Variants in PKHD1L1 observed in about 807,000 individuals in gnomAD.
The protein encoded by PKHD1L1 is fibrocystin-L.
In PKHD1L1, 434 loss-of-function variants were observed where a neutral mutation model predicts 462.9. That is an observed-to-expected ratio of 0.94 (90% CI 0.87 to 1.02). The LOEUF (loss-of-function observed/expected upper bound fraction) is 1.02. PKHD1L1 is among the 50% of genes least tolerant of loss of function. The pLI is 0.00. For missense variants in PKHD1L1, 5,202 were observed against 5,096.1 expected (o/e 1.02, Z -0.63); for synonymous variants, 1,781 against 1,750.0 (o/e 1.02, Z -0.44).
chr8:109,374,558 G>T (rs200894539), intron 2 of PKHD1L1, among the ~76,000 whole-genome samples: 1 of 152,126 alleles, frequency 6.6e-6, no homozygotes, highest in African/African-American at 2.4e-5. Context: ...GTTAGCTGGT[G>T]ATTTTGCTGG....
chr8:109,450,992 G>C lies in PKHD1L1; in HGVS notation c.6193G>C (p.Ala2065Pro). The C allele has an allele frequency of 6.2e-7, 1 of 1,610,304 alleles. No homozygotes were observed. Among genetic ancestry groups the C allele is most frequent in the Non-Finnish European group, 8.5e-7 (1 of 1,177,182 alleles). ...PSNNGTGAEQ[A>P]CEVSVVNGKD... ...TTTCATAGGCACGGGAGCTGAGCAA[G>C]CCTGTGAAGTGAGTGTGGTTAATGG... is the stretch of plus-strand genomic sequence containing the variant. The change falls in exon 41 of 78, where the codon GCC (alanine) becomes CCC (proline). Residue 2065 changes from alanine (A) to proline (P), a missense_variant. Transcript: ENST00000378402.
At chr8:109,470,441 G>A in intron 50 of PKHD1L1, 19 of 1,599,496 alleles carry the variant, frequency 1.2e-5, no homozygotes, top group Admixed American at 1.7e-5. Context: ...AAATCAAAAT[G>A]TGAAAGGAAT....
At chr8:109,481,172 C>T (rs1818253763) in intron 55 of PKHD1L1, among the ~76,000 whole-genome samples, 1 of 151,802 alleles carries the variant, frequency 6.6e-6, no homozygotes, top group Non-Finnish European at 1.5e-5. Flanking sequence ...GTTCAAACAC[C>T]ACTAGTTTAG....
rs950833257 is a variant in PKHD1L1, at chr8:109,368,433, T to C, written c.163+3797T>C. Reference sequence around the variant, plus strand: ...AAAATGGACTATTAATTCCTACCTCTTGGGACTGTTGTGAATACTGAAAAG... The same window carrying C: ...AAAATGGACTATTAATTCCTACCTCCTGGGACTGTTGTGAATACTGAAAAG... On this transcript the variant is annotated intron_variant, in intron 2 of 77. Coordinates refer to ENST00000378402, the MANE Select transcript of PKHD1L1 (RefSeq NM_177531.6). 2.6e-5 allele frequency among the ~76,000 whole-genome samples: 4 copies of C among 152,224 alleles called. 1 individual carries two copies. The highest frequency in any genetic ancestry group is 4.4e-5 in the Non-Finnish European group (3 of 68,032).
intron 20 of PKHD1L1, 63 bp downstream of exon 20, chr8:109,412,477 G>T (rs1813909172): frequency 6.9e-7 from 1 of 1,444,098 alleles, no homozygotes; most frequent in Admixed American, 2.5e-5. Context: ...AAAATTTCAT[G>T]AAATTTTAAG....
chr8:109,436,341 G>T lies in PKHD1L1; in HGVS notation c.3509G>T (p.Gly1170Val). The T allele has an allele frequency of 6.2e-7, 1 of 1,610,710 alleles. No homozygotes were observed. The highest frequency in any genetic ancestry group is 8.5e-7 in the Non-Finnish European group (1 of 1,179,132). ...IWPDSGSIAG[G>V]TLLTLSGFGF... ...TTTGTTTGCTTTTCTTATGAAGGTG[G>T]TACTCTACTGACTTTATCTGGATTT... is the stretch of plus-strand genomic sequence containing the variant. The change falls in exon 30 of 78, where the codon GGT (glycine) becomes GTT (valine). Residue 1170 changes from glycine (G) to valine (V), a missense_variant. Gly to Val is a moderately radical substitution (Grantham distance 109, BLOSUM62 -3). Transcript: ENST00000378402.
chr8:109,448,076 A>T (rs1160803584), intron 38 of PKHD1L1, 67 bp from the exon 39 acceptor site: 1 of 1,349,076 alleles, frequency 7.4e-7, no homozygotes, highest in African/African-American at 1.5e-5. Context: ...GTAAAGAGGT[A>T]TATCTTTAAA....
Position 109,496,953 on chromosome 8 carries a change from T to G in PKHD1L1, c.10362T>G (p.Asn3454Lys). ...QFNPVEKWFD[N>K]EAHGGLYGIY... ...ATCCTGTGGAAAAGTGGTTTGACAA[T>G]GAAGCCCATGGAGGTTTATATGGGA... The change falls in exon 64 of 78, where the codon AAT (asparagine) becomes AAG (lysine). Residue 3454 changes from asparagine to lysine, a missense_variant. Physicochemically the swap from Asn to Lys is moderately conservative, Grantham distance 94. Around this residue, in one of 3 missense-constraint regions of PKHD1L1, gnomAD observed 4,497 missense variants for 4,336.8 expected, o/e 1.04. Coordinates refer to ENST00000378402, the MANE Select transcript of PKHD1L1 (RefSeq NM_177531.6). 1 of 1,613,546 alleles carries G rather than the reference T, an allele frequency of 6.2e-7. No homozygotes were observed. The highest frequency in any genetic ancestry group is 8.5e-7 in the Non-Finnish European group (1 of 1,179,592).
intron 76 of PKHD1L1, among the ~76,000 whole-genome samples, chr8:109,523,915 AT>A (rs1404026960): frequency 2.0e-5 from 3 of 152,152 alleles, no homozygotes; most frequent in Non-Finnish European, 4.4e-5. Flanking sequence ...GTCTCCTGTG[AT>A]TTTTCAGAAA....
chr8:109,426,948 C>A, intron 24 of PKHD1L1, 54 bp from the exon 25 acceptor site: 1 of 1,022,764 alleles, frequency 9.8e-7, no homozygotes, highest in Non-Finnish European at 1.5e-6. Context: ...CCACCACATC[C>A]GGCCCGTTTG....
chr8:109,367,158 T>C (rs1811274570), intron 2 of PKHD1L1, among the ~76,000 whole-genome samples: 1 of 152,214 alleles, frequency 6.6e-6, no homozygotes, highest in Non-Finnish European at 1.5e-5. Context: ...ATATACAGAA[T>C]GATATCTACA....
chr8:109,395,644 A>C (rs980661868), intron 10 of PKHD1L1, among the ~76,000 whole-genome samples: 2 of 152,208 alleles, frequency 1.3e-5, no homozygotes, highest in Non-Finnish European at 2.9e-5. Flanking sequence ...GTTACTCTAA[A>C]AGAAAATTAT....
Position 109,429,419 on chromosome 8 carries a change from A to G in PKHD1L1, c.3080A>G (p.His1027Arg), listed in dbSNP as rs753543810. 51 of 1,606,972 alleles carry G rather than the reference A, an allele frequency of 3.2e-5. No homozygotes were observed. Among genetic ancestry groups the G allele is most frequent in the Non-Finnish European group, 4.3e-5 (51 of 1,175,934 alleles). Reference protein sequence around the residue: ...RIKEGGLFRQHVLGDLLRTPS... With the variant: ...RIKEGGLFRQRVLGDLLRTPS... Reference sequence around the variant, plus strand: ...AAGGAAGGTGGCTTATTCAGACAACATGTACTTGGAGACCTACTTCGTACA... The same window carrying G: ...AAGGAAGGTGGCTTATTCAGACAACGTGTACTTGGAGACCTACTTCGTACA... The change falls in exon 26 of 78, where the codon CAT (histidine) becomes CGT (arginine). Residue 1027 changes from histidine to arginine, a missense_variant. This residue lies in a region of PKHD1L1 where 4,497 missense variants were observed against 4,336.8 expected (regional missense o/e 1.04). Coordinates refer to ENST00000378402, the MANE Select transcript of PKHD1L1 (RefSeq NM_177531.6).
intron 32 of PKHD1L1, 127 bp downstream of exon 32, chr8:109,439,219 T>G: frequency 1.2e-6 from 1 of 824,278 alleles, no homozygotes; most frequent in South Asian, 1.9e-5. Context: ...ATATCTTCTT[T>G]GGCAAAAGAT....
At chr8:109,382,716 T>A in intron 4 of PKHD1L1, 145 bp downstream of exon 4, 1 of 518,164 alleles carries the variant, frequency 1.9e-6, no homozygotes, top group Non-Finnish European at 3.3e-6. Flanking sequence ...TCCCTCAATT[T>A]AAATTATCTT....
At chr8:109,496,050 A>G (rs961555888) in intron 63 of PKHD1L1, among the ~76,000 whole-genome samples, 9 of 152,230 alleles carry the variant, frequency 5.9e-5, no homozygotes, top group Non-Finnish European at 1.0e-4. Context: ...AACTTTTTAC[A>G]TATGAGGAAA....
chr8:109,452,383 AT>A (rs1234264244), intron 42 of PKHD1L1, 103 bp downstream of exon 42: 1 of 1,086,812 alleles, frequency 9.2e-7, no homozygotes, highest in Non-Finnish European at 1.2e-6. Flanking sequence ...CTCCAAAAAA[AT>A]AACTGAGCTG....
chr8:109,397,896 C>T (rs1813060051), intron 11 of PKHD1L1, among the ~76,000 whole-genome samples: 1 of 152,168 alleles, frequency 6.6e-6, no homozygotes, highest in South Asian at 2.1e-4. Context: ...AAAACATAGA[C>T]TCTTCTCCTA....
chr8:109,498,718 C>T lies in PKHD1L1; in HGVS notation c.10775C>T (p.Pro3592Leu), dbSNP rs759215815. The T allele has an allele frequency of 2.5e-6, 4 of 1,613,936 alleles. No homozygotes were observed. Among genetic ancestry groups the T allele is most frequent in the Non-Finnish European group, 3.4e-6 (4 of 1,179,870 alleles). Reference protein sequence around the residue: ...ASAHNMAPRKPHAGIMSYNAI... With the variant: ...ASAHNMAPRKLHAGIMSYNAI... ...GCTCATAACATGGCACCCCGAAAGC[C>T]CCATGCAGGAATCATGAGTTACAAT... The change falls in exon 67 of 78, where the codon CCC becomes CTC. Residue 3592 changes from proline to leucine, a missense_variant. This residue lies in a region of PKHD1L1 where 4,497 missense variants were observed against 4,336.8 expected (regional missense o/e 1.04). Coordinates refer to ENST00000378402, the MANE Select transcript of PKHD1L1 (RefSeq NM_177531.6).
Sources: allele counts gnomAD v4.1 joint callset (sites outside exome capture counted in the v4.1 genomes callset), GRCh38; gene constraint gnomAD v4.1.1; regional missense constraint gnomAD v4.1.1; transcripts MANE v1.5; gene names NCBI Gene and HGNC (gene_info 2026-07-23, HGNC 2026-07-21).